The following BMPR1A variants were observed in gnomAD, a reference collection of about 807,000 sequenced individuals.
BMPR1A encodes bone morphogenetic protein receptor type-1A.
In BMPR1A, 7 loss-of-function variants were observed where a neutral mutation model predicts 66.0. That is an observed-to-expected ratio of 0.11 (90% CI 0.06 to 0.20). BMPR1A has a LOEUF of 0.20. Ranked by LOEUF, BMPR1A falls within the 10% of genes least tolerant of loss-of-function variation. The pLI, the probability that BMPR1A is intolerant of heterozygous loss-of-function variation, is 1.00. For missense variants in BMPR1A, 408 were observed against 669.1 expected (o/e 0.61, Z 4.31); for synonymous variants, 200 against 229.7 (o/e 0.87, Z 1.17).
At chr10:86,766,303 A>T (rs1174313551) in intron 1 of BMPR1A, among the ~76,000 whole-genome samples, 1 of 152,106 alleles carries the variant, frequency 6.6e-6, no homozygotes, top group Non-Finnish European at 1.5e-5. Context: ...TAATCATCTC[A>T]TTCTTTATAG....
intron 2 of BMPR1A, among the ~76,000 whole-genome samples, chr10:86,848,896 C>G (rs1335187010): frequency 6.6e-6 from 1 of 152,182 alleles, no homozygotes; most frequent in Non-Finnish European, 1.5e-5. Flanking sequence ...ATCAGCCCCC[C>G]CTCTATAATA....
intron 1 of BMPR1A, among the ~76,000 whole-genome samples, chr10:86,758,607 T>C (rs1847918969): frequency 6.6e-6 from 1 of 152,240 alleles, no homozygotes; most frequent in South Asian, 2.1e-4. Context: ...TTAAAAAGCT[T>C]GTTCGTAATA....
intron 1 of BMPR1A, among the ~76,000 whole-genome samples, chr10:86,783,891 T>C (rs934851558): frequency 6.6e-6 from 1 of 152,234 alleles, no homozygotes; most frequent in Non-Finnish European, 1.5e-5. Context: ...ATAAATGGAG[T>C]TATTTTCTTA....
intron 1 of BMPR1A, among the ~76,000 whole-genome samples, chr10:86,820,434 T>G (rs1842106347): frequency 6.6e-6 from 1 of 152,114 alleles, no homozygotes; most frequent in African/African-American, 2.4e-5. Flanking sequence ...CAGTTTTTTC[T>G]GTCTCCACCT....
chr10:86,797,614 C>T (rs1407666589), intron 1 of BMPR1A, among the ~76,000 whole-genome samples: 4 of 152,110 alleles, frequency 2.6e-5, no homozygotes, highest in Admixed American at 2.0e-4. Context: ...GATCCGCCCA[C>T]CTCAGCCTCC....
intron 1 of BMPR1A, among the ~76,000 whole-genome samples, chr10:86,785,153 C>T (rs1841497866): frequency 6.6e-6 from 1 of 152,120 alleles, no homozygotes; most frequent in Non-Finnish European, 1.5e-5. Flanking sequence ...CTTTTGATTT[C>T]CCATTGTGGT....
rs189953373 is a variant in BMPR1A, at chr10:86,840,505, G to C, written c.-153+1526G>C. ...TTAAATAATAATGACCTTCCCCAAG[G>C]TTTTATCTTAGAAATTATCCTGTTT... On this transcript the variant is annotated intron_variant, in intron 2 of 12. Transcript: ENST00000372037. Among the ~76,000 whole-genome samples the C allele has an allele frequency of 1.7e-3, 251 of 151,806 alleles. 1 individual carries two copies. Among genetic ancestry groups the C allele is most frequent in the Non-Finnish European group, 2.2e-3 (147 of 67,958 alleles).
intron 1 of BMPR1A, among the ~76,000 whole-genome samples, chr10:86,785,238 G>C (rs888940771): frequency 1.3e-5 from 2 of 152,196 alleles, no homozygotes; most frequent in South Asian, 4.1e-4. Flanking sequence ...CATGTGATCT[G>C]TCTTGGAGAA....
chr10:86,838,309 T>C (rs1278859905), intron 1 of BMPR1A, among the ~76,000 whole-genome samples: 1 of 152,174 alleles, frequency 6.6e-6, no homozygotes, highest in Non-Finnish European at 1.5e-5. Context: ...AAGGGTAAGG[T>C]GTTAATAGCA....
rs79583621 is a variant in BMPR1A, at chr10:86,828,975, G to T, written c.-267-9890G>T. ...TAAATTGCAAAAGAACATAGAGCTG[G>T]GTGATTTTCTGGGGTTCAGTCTGTT... On this transcript the variant is annotated intron_variant, in intron 1 of 12. Coordinates refer to ENST00000372037, the MANE Select transcript of BMPR1A (RefSeq NM_004329.3). Among the ~76,000 whole-genome samples the T allele has an allele frequency of 9.2e-5, 14 of 152,184 alleles. No homozygotes were observed. In the East Asian group the frequency reaches 2.5e-3, roughly 27 times the overall value.
intron 8 of BMPR1A, among the ~76,000 whole-genome samples, chr10:86,912,782 C>A (rs1275905904): frequency 6.6e-6 from 1 of 152,094 alleles, no homozygotes; most frequent in Non-Finnish European, 1.5e-5. Flanking sequence ...ATTGAGGGAA[C>A]TGTAACTATT....
intron 1 of BMPR1A, among the ~76,000 whole-genome samples, chr10:86,781,078 A>T (rs933753927): frequency 1.3e-5 from 2 of 151,314 alleles, no homozygotes; most frequent in African/African-American, 4.9e-5. Context: ...CTGGTCTCGA[A>T]CTCTTGACCT....
At chr10:86,855,263 G>A in intron 2 of BMPR1A, 4 of 1,094,856 alleles carry the variant, frequency 3.7e-6, no homozygotes, top group Non-Finnish European at 4.9e-6. Context: ...CATAATTCTG[G>A]CCATACAAAA....
intron 1 of BMPR1A, among the ~76,000 whole-genome samples, chr10:86,769,692 T>C (rs1294279938): frequency 1.3e-5 from 2 of 152,210 alleles, no homozygotes; most frequent in African/African-American, 4.8e-5. Flanking sequence ...TCCCTTCTCC[T>C]TCCCTTGGAG....
At chr10:86,847,275 A>G (rs554015466) in intron 2 of BMPR1A, among the ~76,000 whole-genome samples, 25 of 152,008 alleles carry the variant, frequency 1.6e-4, no homozygotes, top group Non-Finnish European at 2.8e-4. Flanking sequence ...ATATTCTCTT[A>G]CTACACTTCA....
At chr10:86,875,781 T>G (rs1408453940) in intron 2 of BMPR1A, 86 bp from the exon 3 acceptor site, 8 of 578,000 alleles carry the variant, frequency 1.4e-5, no homozygotes, top group Non-Finnish European at 2.5e-5. Context: ...TAAAGGTGTG[T>G]TTGGGCATTT....
At chr10:86,805,085 T>C (rs1841870633) in intron 1 of BMPR1A, among the ~76,000 whole-genome samples, 1 of 152,110 alleles carries the variant, frequency 6.6e-6, no homozygotes. Context: ...TCTCCCTTTT[T>C]ATAAGGATGG....
chr10:86,858,719 A>AG (rs917224696), intron 2 of BMPR1A, among the ~76,000 whole-genome samples: 1 of 152,188 alleles, frequency 6.6e-6, no homozygotes, highest in Non-Finnish European at 1.5e-5. Context: ...CATTTGACCA[A>AG]GGAGGTGAAA....
At chr10:86,757,372 C>T (rs993590495) in intron 1 of BMPR1A, among the ~76,000 whole-genome samples, 1 of 152,194 alleles carries the variant, frequency 6.6e-6, no homozygotes, top group Non-Finnish European at 1.5e-5. Context: ...CCCCCGAGTC[C>T]CCGCGGGAAG....
Sources: allele counts gnomAD v4.1 joint callset (sites outside exome capture counted in the v4.1 genomes callset), GRCh38; gene constraint gnomAD v4.1.1; transcripts MANE v1.5; gene names NCBI Gene and HGNC (gene_info 2026-07-23, HGNC 2026-07-21).